KALRN: variants seen among roughly 807,000 people sequenced by gnomAD.
KALRN encodes kalirin.
KALRN carries 70 observed loss-of-function variants against 353.7 expected under a neutral mutation model. That is an observed-to-expected ratio of 0.20 (90% confidence interval 0.16 to 0.24). The LOEUF is 0.24. Ranked by LOEUF, KALRN falls within the 10% of genes least tolerant of loss-of-function variation. The probability of loss-of-function intolerance (pLI) is 1.00; values close to 1 mark genes in which losing one functional copy is unlikely to be tolerated. For synonymous variants in KALRN, 1,391 were observed against 1,434.8 expected (o/e 0.97, Z 0.69); for missense variants, 2,791 against 3,756.7 (o/e 0.74, Z 6.72).
At chr3:124,708,559 A>T (rs1250482493) in intron 57 of KALRN, among the ~76,000 whole-genome samples, 1 of 152,204 alleles carries the variant, frequency 6.6e-6, no homozygotes, top group Non-Finnish European at 1.5e-5. Flanking sequence ...AGAGGAAGAA[A>T]TATAAATTAT....
At chr3:124,245,537 A>C (rs1317894713) in intron 3 of KALRN, among the ~76,000 whole-genome samples, 1 of 139,576 alleles carries the variant, frequency 7.2e-6, no homozygotes, top group Non-Finnish European at 1.5e-5. Context: ...CGGTAATTTT[A>C]TATTTATTTT....
chr3:124,592,309 C>CAAAAAAAAAAAA (rs10575664), intron 34 of KALRN, among the ~76,000 whole-genome samples: 4 of 120,648 alleles, frequency 3.3e-5, no homozygotes, highest in East Asian at 2.4e-4. Flanking sequence ...CTCAAAGAAA[C>CAAAAAAAAAAAA]AAAAAAAAAA....
chr3:124,658,559 C>T, intron 42 of KALRN, 42 bp downstream of exon 42: 1 of 1,511,406 alleles, frequency 6.6e-7, no homozygotes, highest in Non-Finnish European at 9.2e-7. Context: ...GGGAGGAAAA[C>T]TCAGGCCAAA....
intron 58 of KALRN, among the ~76,000 whole-genome samples, chr3:124,714,213 G>T (rs763972839): frequency 3.3e-5 from 5 of 152,150 alleles, no homozygotes; most frequent in Non-Finnish European, 5.9e-5. Flanking sequence ...TTCAGAGCCT[G>T]ATCTGTTTGT....
At chr3:124,658,192 T>C (rs183509150) in intron 41 of KALRN, among the ~76,000 whole-genome samples, 134 of 152,278 alleles carry the variant, frequency 8.8e-4, no homozygotes, top group African/African-American at 3.2e-3. Context: ...TCTCTTCTGC[T>C]CTTCCTTGAG....
At chr3:124,313,848 G>A (rs897578489) in intron 6 of KALRN, among the ~76,000 whole-genome samples, 1 of 152,152 alleles carries the variant, frequency 6.6e-6, no homozygotes. Flanking sequence ...AAACTCTAAA[G>A]TTATCAAATA....
At position 124,198,901 on chromosome 3, in the gene KALRN, G is replaced by C. The variant is rs538854244; in HGVS notation, c.74-29089G>C. 7.9e-5 allele frequency among the ~76,000 whole-genome samples: 12 copies of C among 152,320 alleles called. No homozygotes were observed. The East Asian group carries it at 2.1e-3, about 27-fold the overall frequency. ...GGATCCAGAGCAGAGGCTGGGAATGGATCATGGGGCCTCAGCCAGAATCTG... is the reference window on the plus strand; with the variant it reads ...GGATCCAGAGCAGAGGCTGGGAATGCATCATGGGGCCTCAGCCAGAATCTG... On this transcript the variant is annotated intron_variant, in intron 1 of 59. Coordinates refer to ENST00000682506, the MANE Select transcript of KALRN (RefSeq NM_001388419.1).
At chr3:124,253,389 A>T (rs2071449503) in intron 3 of KALRN, among the ~76,000 whole-genome samples, 1 of 152,212 alleles carries the variant, frequency 6.6e-6, no homozygotes, top group South Asian at 2.1e-4. Flanking sequence ...GAAAGTGTGA[A>T]GTGGATACTT....
chr3:124,212,493 T>G (rs952604851), intron 1 of KALRN, among the ~76,000 whole-genome samples: 1 of 152,152 alleles, frequency 6.6e-6, no homozygotes, highest in African/African-American at 2.4e-5. Context: ...TATACCTATT[T>G]CAAGTTTATC....
intron 23 of KALRN, among the ~76,000 whole-genome samples, chr3:124,458,275 CAAAA>C (rs35854921): frequency 1.2e-5 from 1 of 83,136 alleles, no homozygotes; most frequent in Non-Finnish European, 2.2e-5. Context: ...GACTCTGTCT[CAAAA>C]AAAAAAAAAA....
At chr3:124,270,824 G>GTTTTTTTTTTTTTT (rs777615656) in intron 5 of KALRN, among the ~76,000 whole-genome samples, 7 of 78,648 alleles carry the variant, frequency 8.9e-5, no homozygotes, top group Non-Finnish European at 1.2e-4. Context: ...TTTTTGTTTT[G>GTTTTTTTTTTTTTT]TTTTTTTTTT....
chr3:124,695,939 G>T (rs1199853017), intron 53 of KALRN, among the ~76,000 whole-genome samples, 195 bp from the exon 54 acceptor site: 2 of 152,050 alleles, frequency 1.3e-5, no homozygotes, highest in Non-Finnish European at 2.9e-5. Flanking sequence ...AGATGGGCAT[G>T]GCCAGAAAAT....
intron 1 of KALRN, among the ~76,000 whole-genome samples, chr3:124,165,052 A>T (rs1288737681): frequency 6.6e-6 from 1 of 152,340 alleles, no homozygotes; most frequent in South Asian, 2.1e-4. Flanking sequence ...CAGAGTTTCT[A>T]GGTTTCTCGT....
chr3:124,261,491 T>C (rs1278371130), intron 3 of KALRN, among the ~76,000 whole-genome samples: 1 of 152,194 alleles, frequency 6.6e-6, no homozygotes, highest in Non-Finnish European at 1.5e-5. Context: ...AGATGCCAAT[T>C]AGATTAGGTC....
intron 33 of KALRN, among the ~76,000 whole-genome samples, chr3:124,511,269 T>G (rs976468256): frequency 6.6e-6 from 1 of 152,218 alleles, no homozygotes; most frequent in African/African-American, 2.4e-5. Flanking sequence ...CGCTTGCCTT[T>G]CACCCTGGGA....
At chr3:124,650,606 G>T (rs2083300852) in intron 37 of KALRN, among the ~76,000 whole-genome samples, 1 of 152,190 alleles carries the variant, frequency 6.6e-6, no homozygotes, top group Non-Finnish European at 1.5e-5. Flanking sequence ...AGTACATCCT[G>T]GTTGCCTGAG....
In KALRN at chr3:124,369,508, C is replaced by T. The variant is rs980494366; in HGVS notation, c.1771-15337C>T. ...CATGTATGTATGTATTTACTATGTA[C>T]AACATGTTGTTTTGAAATATATATA... is the stretch of plus-strand genomic sequence containing the variant. On this transcript the variant is annotated intron_variant, in intron 10 of 59. Transcript: ENST00000682506. Among the ~76,000 whole-genome samples the T allele has an allele frequency of 2.2e-4, 33 of 152,032 alleles. 1 individual carries two copies. The highest frequency in any genetic ancestry group is 1.0e-4 in the Non-Finnish European group (7 of 68,024).
chr3:124,478,264 T>C (rs1017688361), intron 27 of KALRN, among the ~76,000 whole-genome samples: 2 of 152,236 alleles, frequency 1.3e-5, no homozygotes, highest in African/African-American at 4.8e-5. Context: ...TTAAAGGTTA[T>C]CTGTCTATAT....
chr3:124,038,828 C>T (rs1236434767), intron 1 of KALRN, among the ~76,000 whole-genome samples: 1 of 152,244 alleles, frequency 6.6e-6, no homozygotes, highest in Non-Finnish European at 1.5e-5. Flanking sequence ...CACCTTCACT[C>T]TCCCAGTCAT....
Sources: allele counts gnomAD v4.1 joint callset (sites outside exome capture counted in the v4.1 genomes callset), GRCh38; gene constraint gnomAD v4.1.1; transcripts MANE v1.5; gene names NCBI Gene and HGNC (gene_info 2026-07-23, HGNC 2026-07-21).